Variants in PLGRKT observed in about 807,000 individuals in gnomAD.
PLGRKT encodes the protein plasminogen receptor with a C-terminal lysine.
In PLGRKT, 22 loss-of-function variants were observed where a neutral mutation model predicts 18.5. The observed-to-expected ratio is 1.19, with a 90% CI of 0.85 to 1.70. The LOEUF (loss-of-function observed/expected upper bound fraction) is 1.70, where lower values mean the gene tolerates loss of function less well. Ranked by LOEUF, PLGRKT falls within the 40% of genes most tolerant of loss-of-function variation. PLGRKT has a pLI of 0.00. For missense variants in PLGRKT, 235 were observed against 174.4 expected (o/e 1.35, Z -1.96); for synonymous variants, 72 against 52.8 (o/e 1.36, Z -1.58).
intron 5 of PLGRKT, among the ~76,000 whole-genome samples, chr9:5,359,230 G>A (rs10975070): frequency 0.24 from 36,003 of 151,754 alleles, 5,093 homozygotes; most frequent in Non-Finnish European, 0.31. Flanking sequence ...CTAATTTTTT[G>A]TATTTTTCAT....
At chr9:5,437,076 C>T (rs1356009115) in intron 1 of PLGRKT, among the ~76,000 whole-genome samples, 1 of 152,056 alleles carries the variant, frequency 6.6e-6, no homozygotes, top group Non-Finnish European at 1.5e-5. Flanking sequence ...TTCATTTTCC[C>T]TTTGATTCCT....
At chr9:5,383,827 G>C (rs930254422) in intron 3 of PLGRKT, among the ~76,000 whole-genome samples, 1 of 152,138 alleles carries the variant, frequency 6.6e-6, no homozygotes, top group Non-Finnish European at 1.5e-5. Context: ...GTTCCTAATG[G>C]GCCAATGACC....
intron 3 of PLGRKT, among the ~76,000 whole-genome samples, chr9:5,424,668 T>TTATATATATATATATATATATATATA (rs375682412): frequency 1.8e-4 from 20 of 113,152 alleles, no homozygotes; most frequent in African/African-American, 8.2e-4. Flanking sequence ...ATTATATATT[T>TTATATATATATATATATATATATATA]TATATATATA....
chr9:5,374,470 C>G (rs1817589448), intron 3 of PLGRKT, among the ~76,000 whole-genome samples: 1 of 152,246 alleles, frequency 6.6e-6, no homozygotes, highest in South Asian at 2.1e-4. Context: ...AGCTTCATGT[C>G]CTGCCAGGCT....
chr9:5,370,734 A>G (rs1817497948), intron 3 of PLGRKT, among the ~76,000 whole-genome samples: 1 of 152,228 alleles, frequency 6.6e-6, no homozygotes, highest in African/African-American at 2.4e-5. Flanking sequence ...AAACATTATT[A>G]ATACCTTCTA....
rs190309065 is a variant in PLGRKT at position 5,432,732 on chromosome 9, G to C, written c.-6-749C>G. On this transcript the variant is annotated intron_variant, in intron 2 of 5. Coordinates refer to ENST00000223864, the MANE Select transcript of PLGRKT (RefSeq NM_018465.4). ...GGGCTGGTCTCGAGCTCCTGGCCTC[G>C]GGTGATCTGCCCGCCTCGGCCTCCC... 4.6e-5 allele frequency among the ~76,000 whole-genome samples: 7 copies of C among 152,304 alleles called. No individual in the cohort carries two copies. In the South Asian group the frequency reaches 1.2e-3, roughly 27 times the overall value.
intron 3 of PLGRKT, among the ~76,000 whole-genome samples, chr9:5,383,839 G>A (rs1336894869): frequency 1.3e-5 from 2 of 152,222 alleles, no homozygotes; most frequent in Non-Finnish European, 2.9e-5. Context: ...CCAATGACCA[G>A]TACCAGTCCG....
rs780849758 is a variant in PLGRKT at position 5,372,138 on chromosome 9, C to T, written c.82-10250G>A. Among the ~76,000 whole-genome samples the T allele has an allele frequency of 1.4e-4, 22 of 151,902 alleles. No homozygotes were observed. The East Asian group carries it at 3.1e-3, about 21-fold the overall frequency. ...CTGGGACTACAGGCACACACCACCA[C>T]GCCCAGCTAATTTTTGTATTTTTAT... On this transcript the variant is annotated intron_variant, in intron 3 of 5. Coordinates refer to ENST00000223864, the MANE Select transcript of PLGRKT (RefSeq NM_018465.4).
intron 3 of PLGRKT, among the ~76,000 whole-genome samples, chr9:5,393,048 G>T (rs1055833050): frequency 6.6e-6 from 1 of 151,460 alleles, no homozygotes; most frequent in Admixed American, 6.6e-5. Flanking sequence ...CACCATGTTG[G>T]CCAGGCTGGT....
chr9:5,415,728 T>C (rs1238950695), intron 3 of PLGRKT, among the ~76,000 whole-genome samples: 1 of 152,048 alleles, frequency 6.6e-6, no homozygotes, highest in Admixed American at 6.5e-5. Flanking sequence ...ACATTCACAA[T>C]CTCAATCTAA....
At chr9:5,401,774 T>C (rs1818158713) in intron 3 of PLGRKT, among the ~76,000 whole-genome samples, 1 of 151,988 alleles carries the variant, frequency 6.6e-6, no homozygotes, top group Non-Finnish European at 1.5e-5. Context: ...TCTTTAAGGT[T>C]GTAATATCTA....
intron 3 of PLGRKT, among the ~76,000 whole-genome samples, chr9:5,406,333 A>C (rs777030122): frequency 6.6e-6 from 1 of 152,218 alleles, no homozygotes; most frequent in African/African-American, 2.4e-5. Context: ...AGCACTATTC[A>C]CAATAGCAAA....
intron 3 of PLGRKT, among the ~76,000 whole-genome samples, chr9:5,370,986 T>C (rs1435604065): frequency 6.6e-6 from 1 of 152,220 alleles, no homozygotes; most frequent in Non-Finnish European, 1.5e-5. Context: ...AATAATTGAA[T>C]ACTAACCAAG....
intron 3 of PLGRKT, among the ~76,000 whole-genome samples, chr9:5,416,737 G>T (rs553429597): frequency 4.6e-5 from 7 of 152,198 alleles, no homozygotes; most frequent in South Asian, 2.1e-4. Flanking sequence ...CTGCCCTGGA[G>T]AAGTGTCTGT....
chr9:5,414,339 G>C (rs1251515289), intron 3 of PLGRKT, among the ~76,000 whole-genome samples: 1 of 152,132 alleles, frequency 6.6e-6, no homozygotes, highest in Non-Finnish European at 1.5e-5. Context: ...GCTAATTTTT[G>C]TATTTTTAGT....
At chr9:5,379,818 G>A (rs768813419) in intron 3 of PLGRKT, among the ~76,000 whole-genome samples, 3 of 152,156 alleles carry the variant, frequency 2.0e-5, no homozygotes, top group Admixed American at 6.5e-5. Flanking sequence ...AAGCAGAAGA[G>A]TACAGTAGTT....
intron 3 of PLGRKT, among the ~76,000 whole-genome samples, chr9:5,375,164 T>C (rs970346189): frequency 6.6e-6 from 1 of 152,238 alleles, no homozygotes; most frequent in Non-Finnish European, 1.5e-5. Context: ...ATGTTTTTCC[T>C]TAATAAGAAA....
intron 3 of PLGRKT, among the ~76,000 whole-genome samples, chr9:5,396,231 G>C (rs1363768359): frequency 1.3e-5 from 2 of 151,710 alleles, no homozygotes; most frequent in East Asian, 1.9e-4. Flanking sequence ...AATTCTGAAA[G>C]ACTCTCTCAA....
chr9:5,428,662 C>G (rs1002804941), intron 3 of PLGRKT, among the ~76,000 whole-genome samples: 3 of 152,108 alleles, frequency 2.0e-5, no homozygotes, highest in Non-Finnish European at 4.4e-5. Context: ...CCTTGAAGTA[C>G]CTATGTTAAA....
Sources: gnomAD v4.1 joint callset for allele counts (sites outside exome capture counted in the v4.1 genomes callset) on GRCh38, gnomAD v4.1.1 for gene constraint, MANE v1.5 for transcripts, NCBI Gene and HGNC (gene_info 2026-07-23, HGNC 2026-07-21) for gene names.